The following TMEM132C variants were observed in gnomAD, a reference collection of about 807,000 sequenced individuals.
TMEM132C encodes the protein protein phosphatase 1, regulatory subunit 152.
A neutral mutation model predicts 61.4 loss-of-function variants in TMEM132C; 29 were observed. The observed-to-expected ratio is 0.47, with a 90% CI of 0.35 to 0.64. The LOEUF (loss-of-function observed/expected upper bound fraction) is 0.64. Among genes scored for constraint, TMEM132C ranks in the 30% least tolerant of loss-of-function variants. The pLI, the probability that TMEM132C is intolerant of heterozygous loss-of-function variation, is 0.00. For synonymous variants in TMEM132C, 656 were observed against 633.1 expected (o/e 1.04, Z -0.54); for missense variants, 1,408 against 1,476.9 (o/e 0.95, Z 0.76).
At chr12:128,513,059 T>G (rs1872616498) in intron 2 of TMEM132C, among the ~76,000 whole-genome samples, 1 of 152,006 alleles carries the variant, frequency 6.6e-6, no homozygotes, top group Non-Finnish European at 1.5e-5. Context: ...GGAGAGGTGC[T>G]GTGAGGAGAA....
chr12:128,377,095 C>T (rs1593030873), intron 1 of TMEM132C, among the ~76,000 whole-genome samples: 2 of 151,490 alleles, frequency 1.3e-5, no homozygotes, highest in East Asian at 3.9e-4. Flanking sequence ...TGCTTTGTCG[C>T]CCAGGCTGGA....
At chr12:128,390,634 C>T (rs143543931) in intron 1 of TMEM132C, among the ~76,000 whole-genome samples, 28 of 152,270 alleles carry the variant, frequency 1.8e-4, no homozygotes, top group Admixed American at 9.8e-4. Flanking sequence ...ACAAGCTCCA[C>T]GGATTAGGAT....
At chr12:128,622,588 A>G (rs1354007475) in intron 4 of TMEM132C, among the ~76,000 whole-genome samples, 1 of 151,426 alleles carries the variant, frequency 6.6e-6, no homozygotes, top group Non-Finnish European at 1.5e-5. Context: ...CCGGACGTAC[A>G]TGAACAGACC....
chr12:128,680,016 C>A (rs768768973), intron 5 of TMEM132C, among the ~76,000 whole-genome samples: 1 of 152,052 alleles, frequency 6.6e-6, no homozygotes. Flanking sequence ...TATGAACAGG[C>A]TTTGCAAGTC....
intron 1 of TMEM132C, among the ~76,000 whole-genome samples, chr12:128,387,155 A>G (rs1381058407): frequency 4.6e-5 from 7 of 151,674 alleles, no homozygotes; most frequent in Non-Finnish European, 1.0e-4. Context: ...AAAAAAAAAA[A>G]AAAAAAGAAA....
At chr12:128,310,101 A>C (rs958414206) in intron 1 of TMEM132C, among the ~76,000 whole-genome samples, 1 of 152,194 alleles carries the variant, frequency 6.6e-6, no homozygotes, top group African/African-American at 2.4e-5. Flanking sequence ...CCTTTTGACT[A>C]TGCAAACCTT....
intron 2 of TMEM132C, among the ~76,000 whole-genome samples, chr12:128,498,600 G>A (rs1463351605): frequency 6.6e-6 from 1 of 152,006 alleles, no homozygotes; most frequent in Non-Finnish European, 1.5e-5. Context: ...GCTTGAACCT[G>A]GGAGACAGAT....
intron 1 of TMEM132C, among the ~76,000 whole-genome samples, chr12:128,396,824 A>G (rs1230266824): frequency 1.3e-5 from 2 of 152,116 alleles, no homozygotes; most frequent in African/African-American, 2.4e-5. Flanking sequence ...ACAGAGCCCT[A>G]TCCTCTGTAT....
At chr12:128,568,032 A>T (rs781225104) in intron 3 of TMEM132C, among the ~76,000 whole-genome samples, 1 of 152,156 alleles carries the variant, frequency 6.6e-6, no homozygotes, top group African/African-American at 2.4e-5. Flanking sequence ...TGAGGGGTGG[A>T]CCTCATGCAG....
In TMEM132C at chr12:128,474,675, G is replaced by A. The variant is rs1275063361; in HGVS notation, c.974+59055G>A. ...AAGTGGAGAAAATTCTGACATCCCG[G>A]GAGAAGAAATTACAATATAGCCCGT... On this transcript the variant is annotated intron_variant, in intron 2 of 8. Transcript: ENST00000435159. Among the ~76,000 whole-genome samples the A allele has an allele frequency of 2.6e-5, 4 of 152,132 alleles. No homozygotes were observed. The East Asian group carries it at 7.7e-4, about 29-fold the overall frequency.
intron 1 of TMEM132C, among the ~76,000 whole-genome samples, chr12:128,397,600 G>A (rs1380346273): frequency 6.6e-6 from 1 of 152,152 alleles, no homozygotes; most frequent in Non-Finnish European, 1.5e-5. Context: ...GGTCCCCATG[G>A]AGGTGGATTG....
chr12:128,438,270 C>G (rs901661672), intron 2 of TMEM132C: 3 of 152,050 alleles, frequency 2.0e-5, no homozygotes, highest in African/African-American at 7.2e-5. Flanking sequence ...GTAGATTCAT[C>G]ATGAATAGAT....
At chr12:128,458,446 G>A (rs1870421524) in intron 2 of TMEM132C, among the ~76,000 whole-genome samples, 1 of 151,944 alleles carries the variant, frequency 6.6e-6, no homozygotes, top group Admixed American at 6.6e-5. Context: ...ATACCATCCA[G>A]CTGTGAGCAG....
chr12:128,679,997 G>T (rs1442308558), intron 5 of TMEM132C, among the ~76,000 whole-genome samples: 2 of 152,098 alleles, frequency 1.3e-5, no homozygotes, highest in East Asian at 1.9e-4. Context: ...AAGTGCAAAG[G>T]CCCCAGGGTA....
Position 128,310,792 on chromosome 12 carries a change from G to C in TMEM132C, c.85+43305G>C, listed in dbSNP as rs144582793. ...ATGGGTACGAGCATATGGTGGGATA[G>C]AGAAAATAAGACCTTGTGTTAGATA... On this transcript the variant is annotated intron_variant, in intron 1 of 8. Transcript: ENST00000435159. 2.7e-3 allele frequency among the ~76,000 whole-genome samples: 411 copies of C among 152,312 alleles called. 1 individual carries two copies. The highest frequency in any genetic ancestry group is 9.3e-3 in the African/African-American group (386 of 41,568).
intron 1 of TMEM132C, among the ~76,000 whole-genome samples, chr12:128,299,203 T>C (rs146122521): frequency 1.2e-3 from 179 of 152,342 alleles, no homozygotes; most frequent in Admixed American, 2.0e-3. Context: ...ATATTGGTCA[T>C]GAGACTCACT....
intron 5 of TMEM132C, among the ~76,000 whole-genome samples, chr12:128,683,300 G>A (rs528351682): frequency 3.3e-5 from 5 of 152,242 alleles, no homozygotes; most frequent in East Asian, 1.9e-4. Flanking sequence ...CACTGGGCTC[G>A]TTCCCCTACT....
intron 1 of TMEM132C, among the ~76,000 whole-genome samples, chr12:128,327,020 C>T (rs188126460): frequency 6.7e-6 from 1 of 149,728 alleles, no homozygotes; most frequent in South Asian, 2.1e-4. Context: ...TATCCCCAAC[C>T]TTTTTGTCTG....
intron 3 of TMEM132C, among the ~76,000 whole-genome samples, chr12:128,595,161 T>C (rs1875902938): frequency 6.6e-6 from 1 of 152,206 alleles, no homozygotes; most frequent in African/African-American, 2.4e-5. Flanking sequence ...ACTGCATTTT[T>C]TCTGGTATCT....
Sources: gnomAD v4.1 joint callset for allele counts (sites outside exome capture counted in the v4.1 genomes callset) on GRCh38, gnomAD v4.1.1 for gene constraint, MANE v1.5 for transcripts, NCBI Gene and HGNC (gene_info 2026-07-23, HGNC 2026-07-21) for gene names.